The following ARFGEF3 variants were observed in gnomAD, a reference collection of about 807,000 sequenced individuals.
ARFGEF3 encodes the protein brefeldin A-inhibited guanine nucleotide-exchange protein 3.
In ARFGEF3, 96 loss-of-function variants were observed where a neutral mutation model predicts 221.7. The observed-to-expected ratio is 0.43, with a 90% confidence interval of 0.37 to 0.51. The LOEUF is 0.51. ARFGEF3 is among the 20% of genes least tolerant of loss of function. The probability of loss-of-function intolerance (pLI) is 0.00; values close to 1 mark genes in which losing one functional copy is unlikely to be tolerated. For missense variants in ARFGEF3, 2,410 were observed against 2,789.9 expected (o/e 0.86, Z 3.07); for synonymous variants, 1,145 against 1,126.8 (o/e 1.02, Z -0.32).
intron 17 of ARFGEF3, among the ~76,000 whole-genome samples, chr6:138,288,656 G>A (rs953565147): frequency 6.6e-6 from 1 of 152,170 alleles, no homozygotes; most frequent in Non-Finnish European, 1.5e-5. Flanking sequence ...CTGCACTCCA[G>A]CCTGGGTAAC....
chr6:138,209,535 C>CTCAGTTCAAGCAATTCTCCTGCCTCA (rs1471013623), intron 3 of ARFGEF3, among the ~76,000 whole-genome samples: 1 of 152,072 alleles, frequency 6.6e-6, no homozygotes, highest in Non-Finnish European at 1.5e-5. Context: ...CTGCAACCTC[C>CTCAGTTCAAGCAATTCTCCTGCCTCA]GCCTCCCGGG....
chr6:138,245,569 G>A lies in ARFGEF3; in HGVS notation c.643G>A (p.Glu215Lys). The change falls in exon 8 of 34, where the codon GAG becomes AAG. Residue 215 changes from glutamate (E) to lysine (K), a missense_variant. Transcript: ENST00000251691. ...TGTCTCTGTACTCACCGTCCTGTGT[G>A]AGAAGCTGCAAGCCGCCATAAAGTA... is the stretch of plus-strand genomic sequence containing the variant. ...DVVSVLTVLC[E>K]KLQAAINDSQ... 1 of 1,609,274 alleles carries A rather than the reference G, an allele frequency of 6.2e-7. No homozygotes were observed. Among genetic ancestry groups the A allele is most frequent in the South Asian group, 1.1e-5 (1 of 89,848 alleles).
chr6:138,272,186 C>T (rs1364767297), intron 12 of ARFGEF3, among the ~76,000 whole-genome samples: 1 of 115,582 alleles, frequency 8.7e-6, no homozygotes, highest in Non-Finnish European at 1.7e-5. Flanking sequence ...ACAAGAGTCT[C>T]GCTCTGTCAC....
At chr6:138,213,065 G>T (rs548321782) in intron 4 of ARFGEF3, among the ~76,000 whole-genome samples, 21 of 152,058 alleles carry the variant, frequency 1.4e-4, no homozygotes, top group African/African-American at 4.8e-4. Flanking sequence ...GAGGTGGGGG[G>T]CTCACGAGGT....
At position 138,214,797 on chromosome 6, in the gene ARFGEF3, A is replaced by G. The variant is rs115791816; in HGVS notation, c.351+4756A>G. Among the ~76,000 whole-genome samples the G allele has an allele frequency of 5.2e-3, 785 of 152,362 alleles. 3 individuals are homozygous for G. The highest frequency in any genetic ancestry group is 0.024 in the South Asian group (114 of 4,830). On this transcript the variant is annotated intron_variant, in intron 4 of 33. Transcript: ENST00000251691. ...ACTTTCAATCAGAGGGTTAAAAAAA[A>G]TCAGTGAAGCCTGCTTCTGACAAAT...
Position 138,336,458 on chromosome 6 carries a change from T to C in ARFGEF3, c.6506T>C (p.Val2169Ala), listed in dbSNP as rs372977543. Reference protein sequence around the residue: ...RQAVREWLGRVGRVYDIIV With the variant: ...RQAVREWLGRAGRVYDIIV The stretch of plus-strand genomic sequence containing the variant: ...GCTGTGAGGGAGTGGCTGGGCAGGG[T>C]GGGCCGTGTCTATGACATCATTGTG... Residue 2169 changes from valine (V) to alanine (A), a missense_variant, in exon 34 of 34, where the codon GTG becomes GCG. This residue lies in a region of ARFGEF3 where 339 missense variants were observed against 334.9 expected (regional missense o/e 1.01). Coordinates refer to ENST00000251691, the MANE Select transcript of ARFGEF3 (RefSeq NM_020340.5). 1 of 1,603,530 alleles carries C rather than the reference T, an allele frequency of 6.2e-7. No individual in the cohort carries two copies. Among genetic ancestry groups the C allele is most frequent in the Non-Finnish European group, 8.5e-7 (1 of 1,175,914 alleles).
intron 32 of ARFGEF3, among the ~76,000 whole-genome samples, chr6:138,329,896 C>T (rs953676105): frequency 1.3e-5 from 2 of 151,756 alleles, no homozygotes; most frequent in Non-Finnish European, 2.9e-5. Context: ...TGGGTGCAGG[C>T]GGGCTGAGTC....
intron 21 of ARFGEF3, 34 bp downstream of exon 21, chr6:138,296,989 T>C: frequency 6.3e-7 from 1 of 1,588,052 alleles, no homozygotes; most frequent in African/African-American, 1.3e-5. Context: ...AGGCTGGAAC[T>C]GCTAAGTCAG....
Position 138,243,094 on chromosome 6 carries a change from GGTT to G in ARFGEF3, c.586+104_586+106del, listed in dbSNP as rs1234788259. 9 of 950,860 alleles carry G rather than the reference GGTT, an allele frequency of 9.5e-6. No individual in the cohort carries two copies. The African/African-American group carries it at 1.1e-4, about 12-fold the overall frequency. 58.9% of individuals were successfully genotyped at this position (950,860 alleles called of 1,614,324 possible). Reference sequence around the variant, plus strand: ...GGTACAAAGATGTCTAGGAGCTCTCGGTTGTTTTACCATTCTCTTGGAGGTTGT... The same window carrying G: ...GGTACAAAGATGTCTAGGAGCTCTCGGTTTTACCATTCTCTTGGAGGTTGT... On this transcript the variant is annotated intron_variant, in intron 7 of 33. Transcript: ENST00000251691.
At chr6:138,296,688 T>G in intron 20 of ARFGEF3, 122 bp from the exon 21 acceptor site, 1 of 1,169,430 alleles carries the variant, frequency 8.6e-7, no homozygotes, top group Non-Finnish European at 1.2e-6. Context: ...CCTCCCTTGG[T>G]TAGCCAATAT....
chr6:138,304,140 T>C (rs1320274306), intron 22 of ARFGEF3, among the ~76,000 whole-genome samples: 1 of 152,192 alleles, frequency 6.6e-6, no homozygotes, highest in Non-Finnish European at 1.5e-5. Context: ...TTAGGTTATG[T>C]CCACAGAATG....
chr6:138,233,654 G>C (rs9484132), intron 5 of ARFGEF3, among the ~76,000 whole-genome samples: 4,788 of 152,188 alleles, frequency 0.031, 228 homozygotes, highest in African/African-American at 0.11. Flanking sequence ...TGGGATTACA[G>C]GTATGAGCCA....
intron 3 of ARFGEF3, among the ~76,000 whole-genome samples, chr6:138,208,184 A>G (rs527469071): frequency 2.6e-5 from 4 of 152,132 alleles, no homozygotes; most frequent in East Asian, 1.9e-4. Context: ...TTGCAGTGCC[A>G]TATTTTCAAG....
At chr6:138,292,823 A>G (rs1421740648) in intron 19 of ARFGEF3, among the ~76,000 whole-genome samples, 1 of 152,156 alleles carries the variant, frequency 6.6e-6, no homozygotes, top group Non-Finnish European at 1.5e-5. Flanking sequence ...TTCTCCAACT[A>G]CTAACCCACT....
In ARFGEF3 at chr6:138,340,516, G is replaced by A. The variant is rs1284780489; in HGVS notation, c.*4030G>A. The A allele has an allele frequency of 6.6e-6, 1 of 152,188 alleles. No homozygotes were observed. The highest frequency in any genetic ancestry group is 2.4e-5 in the African/African-American group (1 of 41,448). 9.4% of individuals were successfully genotyped at this position (152,188 alleles called of 1,614,324 possible). A position where few individuals can be genotyped will look rare whatever the true frequency, so the allele number is the denominator to read the frequency against. On this transcript the variant is annotated 3_prime_UTR_variant, in exon 34 of 34. Transcript: ENST00000251691. ...AGTATCAGTCCCATCAAGCCAAACA[G>A]AATGAAGACCTTTGATAGTAATAGC...
At chr6:138,336,038 A>G (rs1780315345) in intron 33 of ARFGEF3, among the ~76,000 whole-genome samples, 1 of 152,150 alleles carries the variant, frequency 6.6e-6, no homozygotes, top group Non-Finnish European at 1.5e-5. Context: ...AATCTAAGGA[A>G]TAAGTAAGAG....
Position 138,338,038 on chromosome 6 carries a change from CT to C in ARFGEF3, c.*1555del, listed in dbSNP as rs971161937. 1.2e-4 allele frequency: 19 copies of C among 152,162 alleles called. No homozygotes were observed. The highest frequency in any genetic ancestry group is 4.6e-4 in the African/African-American group (19 of 41,450). The allele number at this position is 152,162 out of a possible 1,614,324, so 9.4% of individuals were successfully genotyped here. ...TAAGAGGAAGGCAGTGTTCTGACTTCTTTAGGTGATCTGAAAAAAACACCCT... is the reference window on the plus strand; with the variant it reads ...TAAGAGGAAGGCAGTGTTCTGACTTCTTAGGTGATCTGAAAAAAACACCCT... On this transcript the variant is annotated 3_prime_UTR_variant, in exon 34 of 34. Coordinates refer to ENST00000251691, the MANE Select transcript of ARFGEF3 (RefSeq NM_020340.5).
chr6:138,245,492 G>A (rs760882695), intron 7 of ARFGEF3, 21 bp from the exon 8 acceptor site: 11 of 1,587,634 alleles, frequency 6.9e-6, no homozygotes, highest in Non-Finnish European at 9.5e-6. Flanking sequence ...TCTCATGCCT[G>A]TAACCTCCTC....
At chr6:138,257,074 A>G (rs745746425) in intron 10 of ARFGEF3, among the ~76,000 whole-genome samples, 8 of 152,148 alleles carry the variant, frequency 5.3e-5, no homozygotes, top group East Asian at 1.9e-4. Context: ...ATGCCCAACC[A>G]TCAACTTTAT....
Sources: gnomAD v4.1 joint callset for allele counts (sites outside exome capture counted in the v4.1 genomes callset) on GRCh38, gnomAD v4.1.1 for gene constraint, gnomAD v4.1.1 regional missense constraint, MANE v1.5 for transcripts, NCBI Gene and HGNC (gene_info 2026-07-23, HGNC 2026-07-21) for gene names.